Variants in RIPK1 observed in about 807,000 individuals in gnomAD.
The protein encoded by RIPK1 is receptor-interacting serine/threonine-protein kinase 1.
In RIPK1, 27 loss-of-function variants were observed where a neutral mutation model predicts 62.4. The ratio of observed to expected loss-of-function variants is 0.43; its 90% CI spans 0.32 to 0.60. The LOEUF (loss-of-function observed/expected upper bound fraction) is 0.60. Ranked by LOEUF, RIPK1 falls within the 20% of genes least tolerant of loss-of-function variation. The probability of loss-of-function intolerance (pLI) is 0.07; values close to 1 mark genes in which losing one functional copy is unlikely to be tolerated. For missense variants in RIPK1, 735 were observed against 831.0 expected (o/e 0.88, Z 1.42); for synonymous variants, 287 against 303.2 (o/e 0.95, Z 0.55).
intron 10 of RIPK1, among the ~76,000 whole-genome samples, chr6:3,112,599 T>C (rs1222239509): frequency 6.6e-6 from 1 of 152,222 alleles, no homozygotes; most frequent in African/African-American, 2.4e-5. Context: ...GGCACAGTCA[T>C]GGCTCACTGC....
chr6:3,074,791 C>T (rs1366496097), intron 1 of RIPK1, among the ~76,000 whole-genome samples: 1 of 152,222 alleles, frequency 6.6e-6, no homozygotes, highest in African/African-American at 2.4e-5. Flanking sequence ...AAGCAATTCT[C>T]CTGCCTCAGC....
upstream of RIPK1, chr6:3,068,281 A>C: frequency 1.0e-6 from 1 of 985,558 alleles, no homozygotes; most frequent in African/African-American, 1.7e-5. Flanking sequence ...GCTTCCCTCC[A>C]GACCCTTCTC....
At chr6:3,082,675 C>T (rs1213165890) in intron 4 of RIPK1, among the ~76,000 whole-genome samples, 1 of 152,170 alleles carries the variant, frequency 6.6e-6, no homozygotes, top group Non-Finnish European at 1.5e-5. Context: ...AGTATTTAGC[C>T]ACTGTCTGCT....
intron 1 of RIPK1, among the ~76,000 whole-genome samples, chr6:3,073,438 T>C (rs1476515506): frequency 1.3e-5 from 2 of 152,130 alleles, no homozygotes; most frequent in East Asian, 1.9e-4. Context: ...GTCACAGAGC[T>C]AGAGTTCACG....
chr6:3,083,339 C>G, intron 5 of RIPK1, 26 bp downstream of exon 5: 1 of 1,576,370 alleles, frequency 6.3e-7, no homozygotes. Flanking sequence ...CTTTCCACTG[C>G]CGTCCCCTCA....
chr6:3,094,092 GCACCTAGTAACTGCAGAGTA>G (rs1561765182), intron 7 of RIPK1, among the ~76,000 whole-genome samples: 9 of 140,256 alleles, frequency 6.4e-5, no homozygotes, highest in African/African-American at 2.8e-4. Flanking sequence ...CCTACCTCCT[GCACCTAGTAACTGCAGAGTA>G]CCTACCTGCC....
chr6:3,103,119 T>TAA (rs1333504234), intron 7 of RIPK1, among the ~76,000 whole-genome samples: 14 of 152,286 alleles, frequency 9.2e-5, no homozygotes, highest in African/African-American at 2.6e-4. Flanking sequence ...TCTTCATGGC[T>TAA]TATTGGCCAT....
chr6:3,077,108 T>C, intron 2 of RIPK1, 121 bp downstream of exon 2: 3 of 877,394 alleles, frequency 3.4e-6, no homozygotes, highest in Non-Finnish European at 5.1e-6. Context: ...CCTGCCAAGA[T>C]GTCAGGGTGA....
chr6:3,077,835 G>C lies in RIPK1; in HGVS notation c.221G>C (p.Arg74Pro). The C allele has an allele frequency of 6.2e-7, 1 of 1,614,196 alleles. No individual in the cohort carries two copies. The highest frequency in any genetic ancestry group is 2.2e-5 in the East Asian group (1 of 44,874). ...ATGATGAACAGACTGAGACACAGCCGGGTGGTGAAGCTCCTGGGCGTCATC... is the reference window on the plus strand; with the variant it reads ...ATGATGAACAGACTGAGACACAGCCCGGTGGTGAAGCTCCTGGGCGTCATC... ...AKMMNRLRHSRVVKLLGVIIE... is the reference protein window; with the variant it reads ...AKMMNRLRHSPVVKLLGVIIE... Residue 74 changes from arginine to proline, a missense_variant, in exon 3 of 11, where the codon CGG becomes CCG. Arg to Pro is a moderately radical substitution (Grantham distance 103, BLOSUM62 -2). Coordinates refer to ENST00000259808, the MANE Select transcript of RIPK1 (RefSeq NM_001354930.2).
intron 3 of RIPK1, among the ~76,000 whole-genome samples, chr6:3,079,321 G>A (rs958241771): frequency 2.6e-5 from 4 of 151,962 alleles, no homozygotes; most frequent in Admixed American, 2.0e-4. Flanking sequence ...CTCGTGATCC[G>A]ACTGCCTTGG....
chr6:3,076,774 T>C lies in RIPK1; in HGVS notation c.-50T>C. The C allele has an allele frequency of 6.3e-7, 1 of 1,598,980 alleles. No homozygotes were observed. The highest frequency in any genetic ancestry group is 8.5e-7 in the Non-Finnish European group (1 of 1,172,948). ...CTGTTTTCTTTACAGGGTACAGCTC[T>C]GCCGGGGGGGGAAAAAGTGGTACCA... On this transcript the variant is annotated 5_prime_UTR_variant, in exon 2 of 11. Coordinates refer to ENST00000259808, the MANE Select transcript of RIPK1 (RefSeq NM_001354930.2).
Position 3,076,908 on chromosome 6 carries a change from G to C in RIPK1, c.85G>C (p.Gly29Arg). ...ESAELDSGGFGKVSLCFHRTQ... is the reference protein window; with the variant it reads ...ESAELDSGGFRKVSLCFHRTQ... ...TGCAGAACTGGACAGCGGAGGCTTTGGGAAGGTGTCTCTGTGTTTCCACAG... is the reference window on the plus strand; with the variant it reads ...TGCAGAACTGGACAGCGGAGGCTTTCGGAAGGTGTCTCTGTGTTTCCACAG... The change falls in exon 2 of 11, where the codon GGG becomes CGG. Residue 29 changes from glycine (G) to arginine (R), a missense_variant. This residue lies in a region of RIPK1 where 671 missense variants were observed against 726.2 expected (regional missense o/e 0.92). Coordinates refer to ENST00000259808, the MANE Select transcript of RIPK1 (RefSeq NM_001354930.2). 1.9e-6 allele frequency: 3 copies of C among 1,612,072 alleles called. No individual in the cohort carries two copies. Among genetic ancestry groups the C allele is most frequent in the South Asian group, 1.1e-5 (1 of 90,958 alleles).
intron 9 of RIPK1, among the ~76,000 whole-genome samples, chr6:3,109,789 C>T (rs1323250167): frequency 2.0e-5 from 3 of 152,128 alleles, no homozygotes; most frequent in Non-Finnish European, 4.4e-5. Flanking sequence ...ACACCAACTC[C>T]CCAGCTCCCC....
At chr6:3,096,358 AATAT>A (rs1760291577) in intron 7 of RIPK1, among the ~76,000 whole-genome samples, 1 of 152,130 alleles carries the variant, frequency 6.6e-6, no homozygotes, top group African/African-American at 2.4e-5. Flanking sequence ...TATAAAAATC[AATAT>A]ATAAAAATAA....
At chr6:3,104,786 T>G (rs1267331429) in intron 8 of RIPK1, among the ~76,000 whole-genome samples, 1 of 152,172 alleles carries the variant, frequency 6.6e-6, no homozygotes, top group Non-Finnish European at 1.5e-5. Context: ...CATCAAATCA[T>G]AATTGCTCCT....
chr6:3,087,153 A>T (rs768809140), intron 6 of RIPK1, among the ~76,000 whole-genome samples: 4 of 151,586 alleles, frequency 2.6e-5, no homozygotes, highest in Non-Finnish European at 4.4e-5. Flanking sequence ...TGCTTTCAAG[A>T]CTTTGTCTTT....
chr6:3,064,665 G>A (rs909160728), upstream of RIPK1, among the ~76,000 whole-genome samples: 1 of 152,150 alleles, frequency 6.6e-6, no homozygotes, highest in Non-Finnish European at 1.5e-5. Flanking sequence ...CGCCGGCGGG[G>A]TCAAGAGAAC....
rs201265798 is a variant in RIPK1 at position 3,076,785 on chromosome 6, G to A, written c.-39G>A. On this transcript the variant is annotated 5_prime_UTR_variant, in exon 2 of 11. Transcript: ENST00000259808. ...ACAGGGTACAGCTCTGCCGGGGGGG[G>A]AAAAAGTGGTACCATTTTGGGCGTT... 10 of 1,605,708 alleles carry A rather than the reference G, an allele frequency of 6.2e-6. No individual in the cohort carries two copies. Among genetic ancestry groups the A allele is most frequent in the Non-Finnish European group, 7.6e-6 (9 of 1,176,714 alleles).
intron 10 of RIPK1, among the ~76,000 whole-genome samples, chr6:3,112,841 G>T (rs774460626): frequency 6.6e-6 from 1 of 152,178 alleles, no homozygotes; most frequent in African/African-American, 2.4e-5. Flanking sequence ...GCCAGGCCGG[G>T]AATGCCCTAT....
Sources: allele counts gnomAD v4.1 joint callset (sites outside exome capture counted in the v4.1 genomes callset), GRCh38; gene constraint gnomAD v4.1.1; regional missense constraint gnomAD v4.1.1; transcripts MANE v1.5; gene names NCBI Gene and HGNC (gene_info 2026-07-23, HGNC 2026-07-21).